ESR1: variants seen among roughly 807,000 people sequenced by gnomAD.
ESR1 encodes estrogen receptor.
Under a neutral mutation model 52.7 loss-of-function variants are expected in ESR1, and 12 were observed. That is an observed-to-expected ratio of 0.23 (90% CI 0.15 to 0.37). The LOEUF (loss-of-function observed/expected upper bound fraction) is 0.37. Ranked by LOEUF, ESR1 falls within the 10% of genes least tolerant of loss-of-function variation. ESR1 has a pLI of 1.00. For missense variants in ESR1, 584 were observed against 779.7 expected, an observed-to-expected ratio of 0.75 and a Z score of 2.99; for synonymous variants, 305 against 316.8, an observed-to-expected ratio of 0.96 and a Z score of 0.39.
At chr6:151,727,248 C>G (rs1407014417) in intron 2 of ESR1, among the ~76,000 whole-genome samples, 1 of 151,820 alleles carries the variant, frequency 6.6e-6, no homozygotes, top group African/African-American at 2.4e-5. Flanking sequence ...GTCACCCAGG[C>G]TGGAGTGCAG....
chr6:151,876,595 CA>C (rs1791860628), intron 2 of ESR1, among the ~76,000 whole-genome samples: 2 of 152,218 alleles, frequency 1.3e-5, no homozygotes, highest in South Asian at 4.2e-4. Flanking sequence ...GAGGGAAAAT[CA>C]GAAGAGAAGG....
intron 6 of ESR1, among the ~76,000 whole-genome samples, chr6:152,077,109 A>C (rs540136708): frequency 6.6e-6 from 1 of 152,200 alleles, no homozygotes; most frequent in East Asian, 1.9e-4. Context: ...GGAAAAAAAC[A>C]GTTTTGTGGG....
At chr6:151,871,191 TG>T (rs1790888292) in intron 2 of ESR1, among the ~76,000 whole-genome samples, 1 of 151,716 alleles carries the variant, frequency 6.6e-6, no homozygotes, top group Admixed American at 6.6e-5. Flanking sequence ...AATTCATCCA[TG>T]AAAGCAGAAA....
At chr6:151,819,018 T>C (rs534657360) in intron 1 of ESR1, among the ~76,000 whole-genome samples, 2 of 152,318 alleles carry the variant, frequency 1.3e-5, no homozygotes, top group African/African-American at 4.8e-5. Flanking sequence ...GAAGCTCTTG[T>C]TGAAAGAGCC....
At chr6:151,818,050 A>G (rs1264527009) in intron 1 of ESR1, among the ~76,000 whole-genome samples, 2 of 152,212 alleles carry the variant, frequency 1.3e-5, no homozygotes, top group African/African-American at 4.8e-5. Context: ...CCTCTGACGT[A>G]TTTGCAAAAT....
At chr6:151,842,464 G>A in intron 1 of ESR1, 133 bp from the exon 2 acceptor site, 4 of 849,592 alleles carry the variant, frequency 4.7e-6, no homozygotes, top group Non-Finnish European at 7.7e-6. Flanking sequence ...GACGGCAAGA[G>A]GTAATGAAAG....
At chr6:152,093,858 G>A (rs2050400910) in intron 6 of ESR1, among the ~76,000 whole-genome samples, 2 of 152,080 alleles carry the variant, frequency 1.3e-5, no homozygotes, top group Non-Finnish European at 2.9e-5. Flanking sequence ...ATCTCACCAC[G>A]AGTTTCACAC....
intron 4 of ESR1, among the ~76,000 whole-genome samples, chr6:151,968,528 C>T (rs2038540181): frequency 6.6e-6 from 1 of 152,174 alleles, no homozygotes; most frequent in Non-Finnish European, 1.5e-5. Context: ...ATCCGTCTGA[C>T]AAATGGCTAA....
intron 1 of ESR1, among the ~76,000 whole-genome samples, chr6:151,837,697 A>G (rs1783592961): frequency 6.6e-6 from 1 of 152,190 alleles, no homozygotes; most frequent in Non-Finnish European, 1.5e-5. Flanking sequence ...AGGTTGAAGG[A>G]CATCTAATGT....
chr6:152,101,649 TA>T lies in ESR1; in HGVS notation c.*2692del, dbSNP rs939912550. The T allele has an allele frequency of 1.2e-4, 28 of 228,214 alleles. No individual in the cohort carries two copies. The highest frequency in any genetic ancestry group is 1.7e-4 in the Non-Finnish European group (20 of 115,240). The allele number at this position is 228,214 out of a possible 1,614,324, so 14.1% of individuals were successfully genotyped here. A position where few individuals can be genotyped will look rare whatever the true frequency, so the allele number is the denominator to read the frequency against. ...TGGTATTGGGTGTAGGAACATGATT[TA>T]AAAAAAAACTCTTGCCTCTGCTTTC... On this transcript the variant is annotated 3_prime_UTR_variant, in exon 8 of 8. Coordinates refer to ENST00000206249, the MANE Select transcript of ESR1 (RefSeq NM_000125.4).
intron 6 of ESR1, among the ~76,000 whole-genome samples, chr6:152,083,391 C>A (rs1585166469): frequency 6.6e-6 from 1 of 152,134 alleles, no homozygotes; most frequent in African/African-American, 2.4e-5. Context: ...ATAAATGGTG[C>A]TAGGAAAACT....
chr6:151,782,506 T>G (rs1013180653), intron 2 of ESR1, among the ~76,000 whole-genome samples: 1 of 152,242 alleles, frequency 6.6e-6, no homozygotes, highest in Non-Finnish European at 1.5e-5. Flanking sequence ...TGGATATCTC[T>G]GTTTGTTATC....
At chr6:151,950,563 A>G (rs1014567592) in intron 4 of ESR1, among the ~76,000 whole-genome samples, 2 of 152,214 alleles carry the variant, frequency 1.3e-5, no homozygotes, top group African/African-American at 4.8e-5. Flanking sequence ...TCCAATAAGG[A>G]CTGGCATTCT....
chr6:152,055,980 G>A (rs1232970187), intron 5 of ESR1, among the ~76,000 whole-genome samples: 2 of 152,150 alleles, frequency 1.3e-5, no homozygotes, highest in Non-Finnish European at 2.9e-5. Context: ...TGATGTTTCT[G>A]TCTGTATACT....
At chr6:151,883,107 T>G (rs747371282) in intron 3 of ESR1, among the ~76,000 whole-genome samples, 4 of 152,076 alleles carry the variant, frequency 2.6e-5, no homozygotes, top group African/African-American at 4.8e-5. Context: ...AATATTTGGT[T>G]TCTAGTGAGC....
intron 2 of ESR1, among the ~76,000 whole-genome samples, chr6:151,781,477 T>TGAGCTTTGGAG (rs1288588605): frequency 6.6e-6 from 1 of 152,266 alleles, no homozygotes; most frequent in Non-Finnish European, 1.5e-5. Context: ...CATTTCAACA[T>TGAGCTTTGGAG]GAGCTTTGGA....
chr6:152,057,975 T>C (rs997605797), intron 5 of ESR1, among the ~76,000 whole-genome samples: 6 of 152,078 alleles, frequency 3.9e-5, no homozygotes, highest in Non-Finnish European at 8.8e-5. Flanking sequence ...AATTGTTAAG[T>C]CTCCACTTTC....
chr6:151,670,717 G>T (rs982173940), intron 1 of ESR1, among the ~76,000 whole-genome samples: 2 of 151,490 alleles, frequency 1.3e-5, no homozygotes, highest in Admixed American at 1.3e-4. Context: ...CTGAGTAACT[G>T]GGATTACAGG....
At chr6:151,666,819 G>T (rs750779239) in intron 1 of ESR1, among the ~76,000 whole-genome samples, 9 of 151,196 alleles carry the variant, frequency 6.0e-5, no homozygotes, top group South Asian at 2.1e-4. Flanking sequence ...GAGGACGAAG[G>T]TTCTGTTTTT....
Sources: gnomAD v4.1 joint callset for allele counts (sites outside exome capture counted in the v4.1 genomes callset) on GRCh38, gnomAD v4.1.1 for gene constraint, MANE v1.5 for transcripts, NCBI Gene and HGNC (gene_info 2026-07-23, HGNC 2026-07-21) for gene names.